MITF: variants seen among roughly 807,000 people sequenced by gnomAD.
MITF encodes the protein melanocyte inducing transcription factor.
MITF carries 17 observed loss-of-function variants against 60.5 expected under a neutral mutation model. That is an observed-to-expected ratio of 0.28 (90% CI 0.19 to 0.42). The LOEUF is 0.42. MITF is among the 10% of genes least tolerant of loss of function. The pLI, the probability that MITF is intolerant of heterozygous loss-of-function variation, is 1.00. For missense variants in MITF, 622 were observed against 683.5 expected (o/e 0.91, Z 1.00); for synonymous variants, 260 against 248.5 (o/e 1.05, Z -0.43).
intron 1 of MITF, among the ~76,000 whole-genome samples, chr3:69,769,132 C>A (rs573992698): frequency 7.9e-5 from 12 of 152,224 alleles, no homozygotes; most frequent in African/African-American, 2.9e-4. Context: ...AGGTTTGAGT[C>A]TTTGTTGTAC....
chr3:69,955,779 A>C (rs1214187520), intron 7 of MITF, among the ~76,000 whole-genome samples: 3 of 151,954 alleles, frequency 2.0e-5, no homozygotes, highest in African/African-American at 7.3e-5. Context: ...CTGCCACCGC[A>C]CTCCAGCCTG....
At position 69,777,211 on chromosome 3, in the gene MITF, T is replaced by G. The variant is rs896578065; in HGVS notation, c.104+37510T>G. On this transcript the variant is annotated intron_variant, in intron 1 of 9. Transcript: ENST00000352241. ...AATTAAAAAGTCATCATATAAACTG[T>G]GTTTAAGTCAAGTCTATTTCCTATC... Among the ~76,000 whole-genome samples the G allele has an allele frequency of 2.7e-4, 41 of 151,632 alleles. 1 individual carries two copies. Among genetic ancestry groups the G allele is most frequent in the African/African-American group, 9.3e-4 (38 of 40,912 alleles).
intron 2 of MITF, among the ~76,000 whole-genome samples, chr3:69,884,501 C>G (rs2064563970): frequency 6.6e-6 from 1 of 152,144 alleles, no homozygotes; most frequent in African/African-American, 2.4e-5. Context: ...ACTTCTCACC[C>G]TGTGTCTTGA....
At chr3:69,776,516 A>G (rs951333449) in intron 1 of MITF, among the ~76,000 whole-genome samples, 1 of 152,200 alleles carries the variant, frequency 6.6e-6, no homozygotes, top group Non-Finnish European at 1.5e-5. Context: ...TAGGGTTATT[A>G]TGAAGATTAA....
intron 8 of MITF, among the ~76,000 whole-genome samples, chr3:69,957,596 C>G (rs2066430988): frequency 6.6e-6 from 1 of 152,186 alleles, no homozygotes; most frequent in African/African-American, 2.4e-5. Flanking sequence ...AGGGCTGTGA[C>G]CTTCATTTCC....
intron 1 of MITF, among the ~76,000 whole-genome samples, chr3:69,845,552 A>G (rs1386970519): frequency 6.7e-6 from 1 of 150,022 alleles, no homozygotes; most frequent in Non-Finnish European, 1.5e-5. Flanking sequence ...ATTTTGCATT[A>G]AGAACTGAAG....
At chr3:69,785,174 C>T (rs558128368) in intron 1 of MITF, among the ~76,000 whole-genome samples, 16 of 152,144 alleles carry the variant, frequency 1.1e-4, no homozygotes, top group African/African-American at 2.4e-4. Flanking sequence ...GGTTCTCCTG[C>T]GGGCACTTGA....
At chr3:69,891,529 T>TGG (rs556450554) in intron 2 of MITF, among the ~76,000 whole-genome samples, 46 of 152,280 alleles carry the variant, frequency 3.0e-4, no homozygotes, top group African/African-American at 1.1e-3. Context: ...ACTCTGTGGG[T>TGG]GGAGCTCATT....
At chr3:69,831,687 A>T (rs1559658718) in intron 1 of MITF, among the ~76,000 whole-genome samples, 1 of 152,198 alleles carries the variant, frequency 6.6e-6, no homozygotes, top group Non-Finnish European at 1.5e-5. Context: ...CAGGTAAGTA[A>T]AATTCCCCAG....
intron 1 of MITF, among the ~76,000 whole-genome samples, chr3:69,748,914 G>A (rs1002354602): frequency 2.0e-5 from 3 of 152,176 alleles, no homozygotes; most frequent in Admixed American, 2.0e-4. Flanking sequence ...CACTTAGCCT[G>A]GTGGCTGTGG....
chr3:69,815,014 A>G (rs769166120), intron 1 of MITF, among the ~76,000 whole-genome samples: 2 of 152,166 alleles, frequency 1.3e-5, no homozygotes. Flanking sequence ...GTAAACTGGT[A>G]CAGGATGGCT....
rs1487314974 is a variant in MITF at position 69,967,811 on chromosome 3, G to A, written c.*2563G>A. 4.7e-5 allele frequency: 11 copies of A among 232,962 alleles called. No homozygotes were observed. The East Asian group carries it at 6.6e-4, about 14-fold the overall frequency. The allele number at this position is 232,962 out of a possible 1,614,324, so 14.4% of individuals were successfully genotyped here. On this transcript the variant is annotated 3_prime_UTR_variant, in exon 10 of 10. Coordinates refer to ENST00000352241, the MANE Select transcript of MITF (RefSeq NM_001354604.2). ...GGCTTGTTGTTTGTAACAAGAAAAT[G>A]ATCCACACCACTCCCCCGATTCCCG...
chr3:69,898,622 G>T (rs1302479443), intron 2 of MITF, among the ~76,000 whole-genome samples: 2 of 152,188 alleles, frequency 1.3e-5, no homozygotes, highest in Non-Finnish European at 2.9e-5. Context: ...TAGGACAGAG[G>T]GGGAGAACTT....
chr3:69,777,350 A>G (rs1308173051), intron 1 of MITF, among the ~76,000 whole-genome samples: 1 of 152,294 alleles, frequency 6.6e-6, no homozygotes, highest in East Asian at 1.9e-4. Flanking sequence ...TGATGGTAAC[A>G]TTTTCCACTT....
chr3:69,932,855 T>C (rs2065752760), intron 2 of MITF, among the ~76,000 whole-genome samples: 1 of 152,180 alleles, frequency 6.6e-6, no homozygotes, highest in Admixed American at 6.6e-5. Context: ...TGACATTCTC[T>C]ATGGATTGCC....
intron 1 of MITF, among the ~76,000 whole-genome samples, chr3:69,868,301 G>C (rs2064154822): frequency 6.6e-6 from 1 of 152,148 alleles, no homozygotes; most frequent in Middle Eastern, 3.2e-3. Context: ...ACTGAGGCTT[G>C]GATAGGTGAA....
chr3:69,772,679 G>A (rs560447206), intron 1 of MITF, among the ~76,000 whole-genome samples: 2 of 152,244 alleles, frequency 1.3e-5, no homozygotes, highest in East Asian at 3.9e-4. Context: ...TTAAAAGTGG[G>A]TACATAGTGA....
chr3:69,939,213 C>A, intron 4 of MITF, 32 bp downstream of exon 4: 1 of 1,577,528 alleles, frequency 6.3e-7, no homozygotes, highest in East Asian at 2.2e-5. Flanking sequence ...TGAGGATGAA[C>A]ACTTTGTAAT....
rs542682607 is a variant in MITF, at chr3:69,776,643, G to T, written c.104+36942G>T. Among the ~76,000 whole-genome samples, 3 of 152,274 alleles carry T rather than the reference G, an allele frequency of 2.0e-5. No homozygotes were observed. The South Asian group carries it at 6.2e-4, about 32-fold the overall frequency. ...GCAGACAGTTAGTCTGCAAGTTCTTGAACCAGACTTCATAATGTACCAAGT... is the reference window on the plus strand; with the variant it reads ...GCAGACAGTTAGTCTGCAAGTTCTTTAACCAGACTTCATAATGTACCAAGT... On this transcript the variant is annotated intron_variant, in intron 1 of 9. Coordinates refer to ENST00000352241, the MANE Select transcript of MITF (RefSeq NM_001354604.2).
Sources: allele counts gnomAD v4.1 joint callset (sites outside exome capture counted in the v4.1 genomes callset), GRCh38; gene constraint gnomAD v4.1.1; transcripts MANE v1.5; gene names NCBI Gene and HGNC (gene_info 2026-07-23, HGNC 2026-07-21).